NPAS3: variants seen among roughly 807,000 people sequenced by gnomAD.
The protein encoded by NPAS3 is neuronal PAS domain protein 3, also known as neuronal PAS domain-containing protein 3.
A neutral mutation model predicts 73.1 loss-of-function variants in NPAS3; 14 were observed. The ratio of observed to expected loss-of-function variants is 0.19; its 90% CI spans 0.13 to 0.30. The LOEUF (loss-of-function observed/expected upper bound fraction) is 0.30. NPAS3 is among the 10% of genes least tolerant of loss of function. The pLI is 1.00. For synonymous variants in NPAS3, 620 were observed against 541.5 expected (o/e 1.14, Z -2.01); for missense variants, 1,096 against 1,250.0 (o/e 0.88, Z 1.86).
intron 2 of NPAS3, among the ~76,000 whole-genome samples, chr14:33,140,483 G>T (rs1166970016): frequency 6.6e-6 from 1 of 152,162 alleles, no homozygotes. Flanking sequence ...TCACTGGCCA[G>T]TGTGTCTTAT....
intron 3 of NPAS3, among the ~76,000 whole-genome samples, chr14:33,307,751 G>A (rs2042817139): frequency 6.6e-6 from 1 of 152,116 alleles, no homozygotes; most frequent in Non-Finnish European, 1.5e-5. Context: ...TCTCCAATCA[G>A]AACTTGACAG....
chr14:33,548,006 G>A (rs2054926792), intron 4 of NPAS3, among the ~76,000 whole-genome samples: 1 of 152,332 alleles, frequency 6.6e-6, no homozygotes, highest in African/African-American at 2.4e-5. Context: ...ATGAAAGTAA[G>A]TATTAGTTCA....
chr14:33,091,477 C>T (rs1358428966), intron 2 of NPAS3, among the ~76,000 whole-genome samples: 1 of 152,132 alleles, frequency 6.6e-6, no homozygotes, highest in African/African-American at 2.4e-5. Flanking sequence ...ATAACAGGCT[C>T]TAAAATTGAG....
intron 1 of NPAS3, among the ~76,000 whole-genome samples, chr14:32,975,860 C>CGTGTGT (rs71118522): frequency 2.1e-5 from 3 of 145,746 alleles, no homozygotes; most frequent in African/African-American, 7.7e-5. Context: ...TGGTGAGGGG[C>CGTGTGT]GTGTGTGTGT....
chr14:33,405,683 AT>A (rs1021287018), intron 4 of NPAS3, among the ~76,000 whole-genome samples: 7 of 152,248 alleles, frequency 4.6e-5, no homozygotes, highest in Admixed American at 1.3e-4. Flanking sequence ...TTTAAAAAAA[AT>A]CTCACAGTAT....
At chr14:33,110,808 C>A (rs1445338074) in intron 2 of NPAS3, among the ~76,000 whole-genome samples, 2 of 152,076 alleles carry the variant, frequency 1.3e-5, no homozygotes, top group Non-Finnish European at 2.9e-5. Flanking sequence ...GCTAGTTGAA[C>A]CCGGAGAGTT....
At chr14:33,586,299 C>A (rs1407735306) in intron 5 of NPAS3, among the ~76,000 whole-genome samples, 2 of 150,928 alleles carry the variant, frequency 1.3e-5, no homozygotes, top group African/African-American at 4.9e-5. Flanking sequence ...TTGAGTTCCC[C>A]CATCTGAAAA....
exon 12 of NPAS3, chr14:33,799,852 C>T (rs140808711): frequency 3.7e-6 from 6 of 1,614,028 alleles, no homozygotes; most frequent in African/African-American, 1.3e-5. Flanking sequence ...ACTGCAACGA[C>T]GACGGCCACA....
At chr14:33,640,230 G>A (rs113967327) in intron 5 of NPAS3, among the ~76,000 whole-genome samples, 1,643 of 151,890 alleles carry the variant, frequency 0.011, 19 homozygotes, top group Admixed American at 0.02. Context: ...ATTTACAAAC[G>A]TGACTCTTGT....
intron 6 of NPAS3, among the ~76,000 whole-genome samples, chr14:33,706,504 A>C (rs1022320539): frequency 2.0e-5 from 3 of 152,194 alleles, no homozygotes; most frequent in African/African-American, 7.2e-5. Flanking sequence ...GTTTCTCATG[A>C]TCCAGGAAGA....
intron 2 of NPAS3, among the ~76,000 whole-genome samples, chr14:33,212,474 A>AC (rs1555356788): frequency 6.6e-6 from 1 of 151,948 alleles, no homozygotes; most frequent in African/African-American, 2.4e-5. Context: ...GATAAAAAAA[A>AC]CATAAAGTAA....
chr14:33,658,729 T>C (rs1381340195), intron 5 of NPAS3, among the ~76,000 whole-genome samples: 1 of 152,178 alleles, frequency 6.6e-6, no homozygotes, highest in Non-Finnish European at 1.5e-5. Flanking sequence ...TCATTAGAGA[T>C]GCAAAGACTC....
chr14:32,949,956 T>C lies in NPAS3; in HGVS notation c.50+10590T>C, dbSNP rs537802981. 4.3e-4 allele frequency among the ~76,000 whole-genome samples: 65 copies of C among 152,156 alleles called. 2 individuals carry two copies. Among genetic ancestry groups the C allele is most frequent in the African/African-American group, 1.6e-3 (65 of 41,554 alleles). ...TTTTCTTTGAAGAGATTTTGGAATT[T>C]TTGGTTTATTATACACCAAAGTATA... On this transcript the variant is annotated intron_variant, in intron 1 of 11. Coordinates refer to ENST00000356141, the Ensembl canonical transcript of NPAS3.
intron 3 of NPAS3, among the ~76,000 whole-genome samples, chr14:33,263,132 C>T (rs907350029): frequency 6.6e-6 from 1 of 152,146 alleles, no homozygotes; most frequent in African/African-American, 2.4e-5. Context: ...AATTAGATCC[C>T]ATTTGTCAAT....
chr14:33,621,716 G>A (rs2058080597), intron 5 of NPAS3, among the ~76,000 whole-genome samples: 1 of 152,070 alleles, frequency 6.6e-6, no homozygotes. Context: ...TTAGAGAAAT[G>A]TCTCTTTCCT....
At position 33,419,352 on chromosome 14, in the gene NPAS3, T is replaced by C. The variant is rs924580537; in HGVS notation, c.468+52084T>C. Among the ~76,000 whole-genome samples, 4 of 151,924 alleles carry C rather than the reference T, an allele frequency of 2.6e-5. No individual in the cohort carries two copies. In the South Asian group the frequency reaches 6.2e-4, roughly 24 times the overall value. On this transcript the variant is annotated intron_variant, in intron 4 of 11. Coordinates refer to ENST00000356141, the Ensembl canonical transcript of NPAS3. ...TAACATCAACGCATTTTTTTCATTG[T>C]ATACCTATAAATTATGTATATTTTA...
intron 5 of NPAS3, among the ~76,000 whole-genome samples, chr14:33,563,537 C>CACACACACACACACACACAGAGAGAGAG: frequency 4.5e-4 from 54 of 119,676 alleles, no homozygotes; most frequent in African/African-American, 9.3e-4. Flanking sequence ...CACACACACA[C>CACACACACACACACACACAGAGAGAGAG]AGAGAGAGAG....
chr14:33,801,332 C>A (rs1334453024), downstream of NPAS3: 3 of 815,244 alleles, frequency 3.7e-6, no homozygotes, highest in Middle Eastern at 3.8e-4. Flanking sequence ...AGTTGCCTGC[C>A]GTTTTGTCTT....
chr14:33,365,490 A>C (rs2045801464), intron 3 of NPAS3, among the ~76,000 whole-genome samples: 1 of 152,202 alleles, frequency 6.6e-6, no homozygotes, highest in African/African-American at 2.4e-5. Context: ...GATTAATCTC[A>C]GCATAGTAAA....
Sources: gnomAD v4.1 joint callset for allele counts (sites outside exome capture counted in the v4.1 genomes callset) on GRCh38, gnomAD v4.1.1 for gene constraint, MANE v1.5 for transcripts, NCBI Gene and HGNC (gene_info 2026-07-23, HGNC 2026-07-21) for gene names.